Variants in CCDC3 observed in about 807,000 individuals in gnomAD.
The protein encoded by CCDC3 is coiled-coil domain containing 3.
CCDC3 carries 24 observed loss-of-function variants against 21.4 expected under a neutral mutation model. The ratio of observed to expected loss-of-function variants is 1.12; its 90% CI spans 0.81 to 1.58. The LOEUF is 1.58. CCDC3 is among the 40% of genes most tolerant of loss of function. The probability of loss-of-function intolerance (pLI) is 0.00; values close to 1 mark genes in which losing one functional copy is unlikely to be tolerated. For synonymous variants in CCDC3, 186 were observed against 166.0 expected (o/e 1.12, Z -0.93); for missense variants, 425 against 360.9 (o/e 1.18, Z -1.44).
At chr10:12,968,171 A>G (rs74325394) in intron 2 of CCDC3, among the ~76,000 whole-genome samples, 1 of 143,726 alleles carries the variant, frequency 7.0e-6, no homozygotes, top group African/African-American at 2.7e-5. Flanking sequence ...TTCACCTCAG[A>G]AAAAAAAAAG....
intron 2 of CCDC3, among the ~76,000 whole-genome samples, chr10:12,939,854 G>A (rs1193482690): frequency 6.6e-6 from 1 of 152,202 alleles, no homozygotes; most frequent in Non-Finnish European, 1.5e-5. Context: ...TCTTCTTACA[G>A]CCAATGATTT....
chr10:13,010,181 G>C (rs1188734898), intron 5 of CCDC3, among the ~76,000 whole-genome samples: 1 of 152,174 alleles, frequency 6.6e-6, no homozygotes, highest in Admixed American at 6.5e-5. Context: ...CTGGGAGGTA[G>C]AGTTTGGAGT....
intron 2 of CCDC3, among the ~76,000 whole-genome samples, chr10:12,973,182 G>A (rs1835368138): frequency 6.6e-6 from 1 of 152,162 alleles, no homozygotes; most frequent in South Asian, 2.1e-4. Flanking sequence ...GGGCTCTACT[G>A]TCAAAAAGTA....
chr10:13,037,410 C>A (rs1836391072), intron 5 of CCDC3, among the ~76,000 whole-genome samples: 1 of 152,116 alleles, frequency 6.6e-6, no homozygotes, highest in Non-Finnish European at 1.5e-5. Context: ...CTTGATCCTA[C>A]ATAAAAATTC....
intron 3 of CCDC3, among the ~76,000 whole-genome samples, chr10:13,088,087 C>A (rs1837134278): frequency 1.3e-5 from 2 of 152,218 alleles, no homozygotes; most frequent in Admixed American, 1.3e-4. Context: ...CATTCATCCC[C>A]TTGGGGATGC....
At chr10:13,068,339 T>C (rs898867644) in intron 4 of CCDC3, among the ~76,000 whole-genome samples, 5 of 151,964 alleles carry the variant, frequency 3.3e-5, no homozygotes, top group African/African-American at 1.2e-4. Context: ...TAAATATGTG[T>C]CGTGTATGTG....
At chr10:13,059,855 C>G (rs1015084687) in intron 4 of CCDC3, among the ~76,000 whole-genome samples, 1 of 152,014 alleles carries the variant, frequency 6.6e-6, no homozygotes, top group African/African-American at 2.4e-5. Context: ...TTTGGGAGGC[C>G]GAGGAGGGCG....
intron 2 of CCDC3, among the ~76,000 whole-genome samples, chr10:12,902,156 C>G (rs2150661): frequency 0.59 from 89,699 of 152,134 alleles, 27,025 homozygotes; most frequent in South Asian, 0.72. Flanking sequence ...TTTTTGCATC[C>G]TTGCTGCCCT....
At chr10:13,013,280 T>C (rs1836005632) in intron 5 of CCDC3, among the ~76,000 whole-genome samples, 1 of 152,016 alleles carries the variant, frequency 6.6e-6, no homozygotes, top group South Asian at 2.1e-4. Context: ...TTTCAGAGAG[T>C]AGATGATGAG....
chr10:12,916,173 C>A (rs1834350015), intron 2 of CCDC3, among the ~76,000 whole-genome samples: 1 of 152,190 alleles, frequency 6.6e-6, no homozygotes, highest in Admixed American at 6.5e-5. Context: ...GTGGTTCACG[C>A]CTGAAGTCCC....
intron 3 of CCDC3, among the ~76,000 whole-genome samples, chr10:13,081,309 T>A (rs1408493919): frequency 6.6e-6 from 1 of 152,164 alleles, no homozygotes; most frequent in Non-Finnish European, 1.5e-5. Context: ...CTAAGTCTTT[T>A]AGCACAGGTA....
At chr10:12,979,998 C>T (rs1835471623) in intron 2 of CCDC3, among the ~76,000 whole-genome samples, 3 of 152,314 alleles carry the variant, frequency 2.0e-5, no homozygotes, top group South Asian at 2.1e-4. Flanking sequence ...CACTAGGCTA[C>T]GTGCTAATAG....
chr10:13,012,227 A>C (rs1170709099), intron 5 of CCDC3, among the ~76,000 whole-genome samples: 2 of 152,240 alleles, frequency 1.3e-5, no homozygotes, highest in Non-Finnish European at 1.5e-5. Flanking sequence ...TCTGCAAAGC[A>C]AAAGAAACTA....
intron 2 of CCDC3, among the ~76,000 whole-genome samples, chr10:12,917,670 C>CA (rs1834381277): frequency 6.6e-6 from 1 of 152,166 alleles, no homozygotes; most frequent in Non-Finnish European, 1.5e-5. Context: ...TTTCTTGGAA[C>CA]ACAGTGTCTT....
intron 3 of CCDC3, among the ~76,000 whole-genome samples, chr10:13,077,535 AGAGCT>A: frequency 6.6e-6 from 1 of 152,360 alleles, no homozygotes; most frequent in Non-Finnish European, 1.5e-5. Flanking sequence ...GAACCAAAAA[AGAGCT>A]GCATTGCCAA....
At chr10:13,033,180 A>G (rs1023508355) in intron 5 of CCDC3, among the ~76,000 whole-genome samples, 3 of 152,194 alleles carry the variant, frequency 2.0e-5, no homozygotes, top group African/African-American at 4.8e-5. Flanking sequence ...CCTCAGAAAT[A>G]ATACCACACA....
chr10:13,093,026 CTTTTTTTT>C (rs143190092), intron 3 of CCDC3, among the ~76,000 whole-genome samples: 1 of 128,690 alleles, frequency 7.8e-6, no homozygotes, highest in South Asian at 2.6e-4. Context: ...AACCCCTCAC[CTTTTTTTT>C]TTTTTTTTTT....
intron 2 of CCDC3, among the ~76,000 whole-genome samples, chr10:12,953,821 A>G (rs1231132384): frequency 6.6e-6 from 1 of 152,206 alleles, no homozygotes; most frequent in Non-Finnish European, 1.5e-5. Flanking sequence ...TGGAAGCTAG[A>G]CTTCCAAAGT....
intron 2 of CCDC3, among the ~76,000 whole-genome samples, chr10:12,978,175 C>T (rs1589028444): frequency 6.6e-6 from 1 of 152,294 alleles, no homozygotes; most frequent in East Asian, 1.9e-4. Flanking sequence ...TGTGCCACCA[C>T]ACCTGGCTAA....
Sources: gnomAD v4.1 joint callset for allele counts (sites outside exome capture counted in the v4.1 genomes callset) on GRCh38, gnomAD v4.1.1 for gene constraint, MANE v1.5 for transcripts, NCBI Gene and HGNC (gene_info 2026-07-23, HGNC 2026-07-21) for gene names.